The following REEP1 variants were observed in gnomAD, a reference collection of about 807,000 sequenced individuals.
REEP1 encodes receptor accessory protein 1.
In REEP1, 22 loss-of-function variants were observed where a neutral mutation model predicts 40.3. The ratio of observed to expected loss-of-function variants is 0.55; its 90% confidence interval spans 0.39 to 0.78. The LOEUF (loss-of-function observed/expected upper bound fraction) is 0.78, where lower values mean the gene tolerates loss of function less well. Ranked by LOEUF, REEP1 falls within the 30% of genes least tolerant of loss-of-function variation. REEP1 has a pLI of 0.00. For missense variants in REEP1, 280 were observed against 361.1 expected (o/e 0.78, Z 1.82); for synonymous variants, 116 against 139.2 (o/e 0.83, Z 1.17).
At chr2:86,292,569 C>G (rs866804572) in intron 1 of REEP1, among the ~76,000 whole-genome samples, 1 of 152,182 alleles carries the variant, frequency 6.6e-6, no homozygotes, top group African/African-American at 2.4e-5. Context: ...TTATGCTCCC[C>G]TCCCCAGACC....
intron 2 of REEP1, among the ~76,000 whole-genome samples, chr2:86,281,120 C>A (rs1294636677): frequency 6.6e-6 from 1 of 152,132 alleles, no homozygotes; most frequent in Non-Finnish European, 1.5e-5. Flanking sequence ...GAGTTTGTGT[C>A]CTGTGTGGGG....
chr2:86,293,021 C>T lies in REEP1; in HGVS notation c.33-10779G>A, dbSNP rs115728017. Among the ~76,000 whole-genome samples, 915 of 152,322 alleles carry T rather than the reference C, an allele frequency of 6.0e-3. 9 individuals are homozygous for T. Among genetic ancestry groups the T allele is most frequent in the African/African-American group, 0.021 (858 of 41,574 alleles). On this transcript the variant is annotated intron_variant, in intron 1 of 8. Coordinates refer to ENST00000538924, the MANE Select transcript of REEP1 (RefSeq NM_001371279.1). Reference sequence around the variant, plus strand: ...CCACAGAAGTCAGGTGAGGCAACTACTATCCATTCCCTCTTACACAGGAGG... The same window carrying T: ...CCACAGAAGTCAGGTGAGGCAACTATTATCCATTCCCTCTTACACAGGAGG...
At chr2:86,325,157 A>C (rs1353984869) in intron 1 of REEP1, among the ~76,000 whole-genome samples, 1 of 152,206 alleles carries the variant, frequency 6.6e-6, no homozygotes, top group Non-Finnish European at 1.5e-5. Context: ...CTGAGGTAAG[A>C]GGATTGCTGG....
chr2:86,264,041 C>T lies in REEP1; in HGVS notation c.106G>A (p.Val36Ile), dbSNP rs765204754. ...ATAATCCAGTACATCATCCATTTGA[C>T]CTGTTGAAACAGAAAGCAACACAGC... is the stretch of plus-strand genomic sequence containing the variant. ...AVKSKDIKEYVKWMMYWIIFA... is the reference protein window; with the variant it reads ...AVKSKDIKEYIKWMMYWIIFA... Residue 36 changes from valine (V) to isoleucine (I), a missense_variant and splice_region_variant, in exon 3 of 9, where the codon GTC becomes ATC. Around this residue, in one of 3 missense-constraint regions of REEP1, gnomAD observed 68 missense variants for 83.7 expected, o/e 0.81. Coordinates refer to ENST00000538924, the MANE Select transcript of REEP1 (RefSeq NM_001371279.1). 1 of 1,612,090 alleles carries T rather than the reference C, an allele frequency of 6.2e-7. No homozygotes were observed. Among genetic ancestry groups the T allele is most frequent in the East Asian group, 2.2e-5 (1 of 44,872 alleles).
chr2:86,236,662 A>G (rs1675339331), intron 5 of REEP1, among the ~76,000 whole-genome samples: 1 of 152,166 alleles, frequency 6.6e-6, no homozygotes, highest in Non-Finnish European at 1.5e-5. Context: ...AAAATTTAAA[A>G]AGACATCGCT....
chr2:86,328,392 A>G (rs377034409), intron 1 of REEP1, among the ~76,000 whole-genome samples: 9 of 152,228 alleles, frequency 5.9e-5, no homozygotes, highest in East Asian at 5.8e-4. Context: ...TGTGAAAGTA[A>G]GAAAGGAGGC....
intron 1 of REEP1, among the ~76,000 whole-genome samples, chr2:86,301,553 C>T (rs1013127994): frequency 6.6e-6 from 1 of 152,166 alleles, no homozygotes; most frequent in African/African-American, 2.4e-5. Context: ...CGTGACAATA[C>T]CAGAAATACT....
intron 1 of REEP1, among the ~76,000 whole-genome samples, chr2:86,298,682 G>A (rs1453260401): frequency 6.6e-6 from 1 of 152,256 alleles, no homozygotes; most frequent in African/African-American, 2.4e-5. Context: ...ATAGTGTGAG[G>A]ATGTTAGTAA....
At chr2:86,249,213 T>C (rs914957528) in intron 5 of REEP1, among the ~76,000 whole-genome samples, 2 of 151,960 alleles carry the variant, frequency 1.3e-5, no homozygotes, top group Non-Finnish European at 1.5e-5. Flanking sequence ...TGAGCTGAGA[T>C]TGTACCACTA....
chr2:86,325,673 G>A (rs7587277), intron 1 of REEP1, among the ~76,000 whole-genome samples: 12 of 152,184 alleles, frequency 7.9e-5, no homozygotes, highest in Non-Finnish European at 1.8e-4. Flanking sequence ...GCCACCAGAA[G>A]CTGGAAGAAG....
chr2:86,235,002 T>C (rs1240530095), intron 5 of REEP1, among the ~76,000 whole-genome samples: 1 of 152,256 alleles, frequency 6.6e-6, no homozygotes, highest in Non-Finnish European at 1.5e-5. Context: ...TAATTATAAG[T>C]GAGTAACTCA....
chr2:86,247,368 G>C (rs1411220027), intron 5 of REEP1, among the ~76,000 whole-genome samples: 1 of 152,020 alleles, frequency 6.6e-6, no homozygotes, highest in African/African-American at 2.4e-5. Context: ...TTTTTTGTTT[G>C]TTTTAGCTCT....
intron 5 of REEP1, among the ~76,000 whole-genome samples, chr2:86,250,123 C>T (rs1018745756): frequency 5.9e-5 from 9 of 152,142 alleles, no homozygotes; most frequent in African/African-American, 1.9e-4. Flanking sequence ...AGTGACTGGC[C>T]AGGATGATAG....
chr2:86,302,482 G>A (rs1390679822), intron 1 of REEP1, among the ~76,000 whole-genome samples: 4 of 152,176 alleles, frequency 2.6e-5, no homozygotes, highest in Non-Finnish European at 4.4e-5. Flanking sequence ...AACCTTAACA[G>A]TGTTGCTATC....
intron 1 of REEP1, among the ~76,000 whole-genome samples, chr2:86,320,196 C>G (rs1282367333): frequency 6.6e-6 from 1 of 152,338 alleles, no homozygotes; most frequent in African/African-American, 2.4e-5. Context: ...CTAGTCATAG[C>G]AGCAGGTGAA....
chr2:86,314,148 G>A (rs1376011707), intron 1 of REEP1, among the ~76,000 whole-genome samples: 1 of 152,192 alleles, frequency 6.6e-6, no homozygotes, highest in Non-Finnish European at 1.5e-5. Flanking sequence ...CCCGGGAGCA[G>A]TGCTCCCACC....
At position 86,305,087 on chromosome 2, in the gene REEP1, C is replaced by A. The variant is rs1448942677; in HGVS notation, c.33-22845G>T. ...ACGAGGTACCTTGTTAGATGTTCAA[C>A]AGATATACAGATATTGGTTAAATGA... On this transcript the variant is annotated intron_variant, in intron 1 of 8. Transcript: ENST00000538924. 2.0e-5 allele frequency among the ~76,000 whole-genome samples: 3 copies of A among 151,862 alleles called. No individual in the cohort carries two copies. In the East Asian group the frequency reaches 5.8e-4, roughly 29 times the overall value.
At chr2:86,296,269 C>T (rs1678977754) in intron 1 of REEP1, among the ~76,000 whole-genome samples, 1 of 152,208 alleles carries the variant, frequency 6.6e-6, no homozygotes, top group Admixed American at 6.5e-5. Flanking sequence ...AGTTTATATC[C>T]ATTTGCACAT....
At position 86,215,796 on chromosome 2, in the gene REEP1, G is replaced by C. The variant is rs560727803; in HGVS notation, c.*1243C>G. On this transcript the variant is annotated 3_prime_UTR_variant, in exon 9 of 9. Coordinates refer to ENST00000538924, the MANE Select transcript of REEP1 (RefSeq NM_001371279.1). Reference sequence around the variant, plus strand: ...TTGTATAAAACGTCTGATAAGGCCTGTAGTGCCCATTGAGTATGAGTCTGC... The same window carrying C: ...TTGTATAAAACGTCTGATAAGGCCTCTAGTGCCCATTGAGTATGAGTCTGC... The C allele has an allele frequency of 6.6e-6, 1 of 152,426 alleles. No individual in the cohort carries two copies. Among genetic ancestry groups the C allele is most frequent in the African/African-American group, 2.4e-5 (1 of 41,416 alleles). 9.4% of individuals were successfully genotyped at this position (152,426 alleles called of 1,614,324 possible).
Sources: allele counts gnomAD v4.1 joint callset (sites outside exome capture counted in the v4.1 genomes callset), GRCh38; gene constraint gnomAD v4.1.1; regional missense constraint gnomAD v4.1.1; transcripts MANE v1.5; gene names NCBI Gene and HGNC (gene_info 2026-07-23, HGNC 2026-07-21).